AMOTL1: variants seen among roughly 807,000 people sequenced by gnomAD.
AMOTL1 encodes angiomotin like 1.
Under a neutral mutation model 102.9 loss-of-function variants are expected in AMOTL1, and 45 were observed. That is an observed-to-expected ratio of 0.44 (90% CI 0.34 to 0.56). The LOEUF (loss-of-function observed/expected upper bound fraction) is 0.56, where lower values mean the gene tolerates loss of function less well. AMOTL1 is among the 20% of genes least tolerant of loss of function. The probability of loss-of-function intolerance (pLI) is 0.01; values close to 1 mark genes in which losing one functional copy is unlikely to be tolerated. For synonymous variants in AMOTL1, 481 were observed against 484.7 expected (o/e 0.99, Z 0.10); for missense variants, 1,114 against 1,225.6 (o/e 0.91, Z 1.36).
intron 1 of AMOTL1, among the ~76,000 whole-genome samples, chr11:94,710,544 G>A (rs984734312): frequency 2.0e-5 from 3 of 152,170 alleles, no homozygotes; most frequent in Non-Finnish European, 2.9e-5. Context: ...TCTGTGTTAC[G>A]TAAATGAATA....
intron 1 of AMOTL1, among the ~76,000 whole-genome samples, chr11:94,785,143 T>TCATA (rs1951165797): frequency 6.6e-6 from 1 of 152,176 alleles, no homozygotes; most frequent in Non-Finnish European, 1.5e-5. Context: ...CTTCTCTGCC[T>TCATA]CATACATGGA....
At chr11:94,832,438 A>G (rs1181780197) in intron 6 of AMOTL1, among the ~76,000 whole-genome samples, 1 of 152,240 alleles carries the variant, frequency 6.6e-6, no homozygotes. Context: ...GATTTCCAAT[A>G]CTGTTTGGTT....
chr11:94,830,152 G>A lies in AMOTL1; in HGVS notation c.1516G>A (p.Gly506Ser), dbSNP rs934257449. ...CAAGGCCATGAGAAACAAATTGGAA[G>A]GCGAGATTAGAAGACTTCATGATTT... ...LDKAMRNKLE[G>S]EIRRLHDFNR... Residue 506 changes from glycine to serine, a missense_variant, in exon 5 of 13, where the codon GGC becomes AGC. Physicochemically the swap from Gly to Ser is moderately conservative, Grantham distance 56 (BLOSUM62 0). Coordinates refer to ENST00000433060, the MANE Select transcript of AMOTL1 (RefSeq NM_130847.3). 2.5e-6 allele frequency: 4 copies of A among 1,610,870 alleles called. No homozygotes were observed. The highest frequency in any genetic ancestry group is 3.4e-6 in the Non-Finnish European group (4 of 1,178,544).
At chr11:94,822,074 T>C (rs1951877598) in intron 4 of AMOTL1, among the ~76,000 whole-genome samples, 1 of 152,036 alleles carries the variant, frequency 6.6e-6, no homozygotes, top group African/African-American at 2.4e-5. Context: ...ACAGCAGAGG[T>C]GGCTCTTGAC....
At chr11:94,846,562 A>G (rs561820824) in intron 6 of AMOTL1, among the ~76,000 whole-genome samples, 68 of 152,228 alleles carry the variant, frequency 4.5e-4, no homozygotes, top group Middle Eastern at 3.2e-3. Flanking sequence ...TAGATGCTTC[A>G]TTAGTTAATA....
chr11:94,781,978 G>T lies in AMOTL1; in HGVS notation c.50-13033G>T, dbSNP rs184022441. Among the ~76,000 whole-genome samples the T allele has an allele frequency of 6.0e-4, 91 of 152,306 alleles. 1 individual carries two copies. The highest frequency in any genetic ancestry group is 2.1e-3 in the African/African-American group (86 of 41,554). ...AAAAAGCTCATTTCCACTTAGGAAT[G>T]TTCTAGTTGAGGCAGTACAGATGAT... On this transcript the variant is annotated intron_variant, in intron 1 of 12. Transcript: ENST00000433060.
intron 1 of AMOTL1, among the ~76,000 whole-genome samples, chr11:94,719,985 C>A (rs1950152355): frequency 6.6e-6 from 1 of 152,028 alleles, no homozygotes; most frequent in Non-Finnish European, 1.5e-5. Context: ...AGAAGTTTCC[C>A]AGACAGTTTG....
intron 2 of AMOTL1, among the ~76,000 whole-genome samples, chr11:94,795,665 G>A (rs1400831858): frequency 6.6e-6 from 1 of 152,188 alleles, no homozygotes; most frequent in African/African-American, 2.4e-5. Flanking sequence ...AGGGAAGGAT[G>A]TCATGGTTCT....
intron 2 of AMOTL1, among the ~76,000 whole-genome samples, chr11:94,733,875 G>A (rs536529061): frequency 3.5e-4 from 53 of 152,206 alleles, no homozygotes; most frequent in African/African-American, 1.3e-3. Flanking sequence ...TCTGACTCAT[G>A]TCCAAGTACA....
At chr11:94,869,144 TAAA>T (rs879037154) in intron 11 of AMOTL1, 51 bp from the exon 12 acceptor site, 18 of 1,238,348 alleles carry the variant, frequency 1.5e-5, no homozygotes, top group Admixed American at 8.1e-5. Flanking sequence ...AGACTAGATT[TAAA>T]AAAAAAAAAA....
intron 8 of AMOTL1, among the ~76,000 whole-genome samples, chr11:94,854,780 A>G (rs1057084096): frequency 4.6e-5 from 7 of 152,262 alleles, no homozygotes; most frequent in Middle Eastern, 3.4e-3. Context: ...GGAAGAGCCA[A>G]TAAGGGGGTG....
intron 3 of AMOTL1, 102 bp downstream of exon 3, chr11:94,800,413 C>T: frequency 7.7e-7 from 1 of 1,300,826 alleles, no homozygotes; most frequent in Non-Finnish European, 1.0e-6. Context: ...TGTCATCAGG[C>T]TTTTTTCCTT....
intron 1 of AMOTL1, among the ~76,000 whole-genome samples, chr11:94,774,619 T>C (rs1030873224): frequency 1.3e-5 from 2 of 152,102 alleles, no homozygotes; most frequent in Admixed American, 1.3e-4. Flanking sequence ...CCCCAGAGGG[T>C]TTATTGAAAC....
intron 7 of AMOTL1, 28 bp from the exon 8 acceptor site, chr11:94,853,905 G>T: frequency 1.3e-6 from 2 of 1,597,988 alleles, no homozygotes; most frequent in Non-Finnish European, 1.7e-6. Context: ...TCTAAATTCT[G>T]TGCTCTTTTT....
chr11:94,740,718 C>T (rs1950509201), intron 2 of AMOTL1, among the ~76,000 whole-genome samples: 1 of 152,084 alleles, frequency 6.6e-6, no homozygotes, highest in Non-Finnish European at 1.5e-5. Flanking sequence ...GGAAGCCGCG[C>T]GGTGCCAGGG....
chr11:94,762,380 A>T (rs1009786187), intron 3 of AMOTL1, among the ~76,000 whole-genome samples: 4 of 152,286 alleles, frequency 2.6e-5, no homozygotes, highest in African/African-American at 9.6e-5. Flanking sequence ...CAATGTCTGG[A>T]GACAGTTTTT....
At chr11:94,740,689 C>A (rs1311821229) in intron 2 of AMOTL1, among the ~76,000 whole-genome samples, 2 of 151,968 alleles carry the variant, frequency 1.3e-5, no homozygotes, top group African/African-American at 4.8e-5. Context: ...GGAAAGTTGG[C>A]GCGCGCCTGA....
rs1211191786 is a variant in AMOTL1, at chr11:94,859,593, G to C, written c.2013G>C (p.Arg671=). ...CCCCAGCCCTCCTGGAACTTGTGCGGGAGAAGGAGGAGCGGATCCTGGCCC... is the reference window on the plus strand; with the variant it reads ...CCCCAGCCCTCCTGGAACTTGTGCGCGAGAAGGAGGAGCGGATCCTGGCCC... ...YNAPALLELV[R]EKEERILALE... is the part of the protein sequence containing the mutation. The change falls in exon 9 of 13, where the codon CGG becomes CGC. Residue 671 remains arginine, a synonymous_variant. Transcript: ENST00000433060. The C allele has an allele frequency of 1.2e-6, 2 of 1,613,822 alleles. No homozygotes were observed. The highest frequency in any genetic ancestry group is 1.3e-5 in the African/African-American group (1 of 74,918).
At chr11:94,716,117 T>C (rs1200630325) in intron 1 of AMOTL1, among the ~76,000 whole-genome samples, 1 of 152,164 alleles carries the variant, frequency 6.6e-6, no homozygotes, top group Non-Finnish European at 1.5e-5. Flanking sequence ...TTCTGTCTTA[T>C]CATCATCACT....
Sources: allele counts gnomAD v4.1 joint callset (sites outside exome capture counted in the v4.1 genomes callset), GRCh38; gene constraint gnomAD v4.1.1; transcripts MANE v1.5; gene names NCBI Gene and HGNC (gene_info 2026-07-23, HGNC 2026-07-21).